The following SVEP1 variants were observed in gnomAD, a reference collection of about 807,000 sequenced individuals.
The protein encoded by SVEP1 is sushi, von Willebrand factor type A, EGF and pentraxin domain containing 1.
SVEP1 carries 164 observed loss-of-function variants against 367.3 expected under a neutral mutation model. The ratio of observed to expected loss-of-function variants is 0.45; its 90% CI spans 0.39 to 0.51. The LOEUF is 0.51. Among genes scored for constraint, SVEP1 ranks in the 20% least tolerant of loss-of-function variants. The pLI, the probability that SVEP1 is intolerant of heterozygous loss-of-function variation, is 0.00. For synonymous variants in SVEP1, 1,666 were observed against 1,611.6 expected (o/e 1.03, Z -0.81); for missense variants, 4,117 against 4,425.3 (o/e 0.93, Z 1.98).
intron 18 of SVEP1, among the ~76,000 whole-genome samples, chr9:110,459,693 T>C (rs1828828253): frequency 1.3e-5 from 2 of 152,114 alleles, no homozygotes; most frequent in Non-Finnish European, 2.9e-5. Context: ...TGCCAAATCA[T>C]TAAAAAAATA....
At chr9:110,471,237 T>C (rs987995478) in intron 16 of SVEP1, 127 bp downstream of exon 16, 2 of 758,254 alleles carry the variant, frequency 2.6e-6, no homozygotes, top group South Asian at 2.2e-5. Context: ...ATAGTAATAA[T>C]AACAACCACA....
intron 42 of SVEP1, among the ~76,000 whole-genome samples, chr9:110,386,660 AATG>A (rs941949300): frequency 2.2e-4 from 33 of 152,314 alleles, no homozygotes; most frequent in African/African-American, 7.9e-4. Context: ...AAACACAGGA[AATG>A]ATGATGGCAT....
intron 1 of SVEP1, among the ~76,000 whole-genome samples, chr9:110,569,456 CAAA>C (rs11368565): frequency 1.7e-5 from 2 of 116,924 alleles, no homozygotes; most frequent in Non-Finnish European, 1.8e-5. Flanking sequence ...AACTCAGTCT[CAAA>C]AAAAAAAAAA....
At chr9:110,548,890 A>G (rs1012050529) in intron 2 of SVEP1, among the ~76,000 whole-genome samples, 8 of 152,200 alleles carry the variant, frequency 5.3e-5, no homozygotes, top group African/African-American at 1.7e-4. Flanking sequence ...TGGGAGGCCC[A>G]GGTGGGAGAA....
intron 36 of SVEP1, among the ~76,000 whole-genome samples, chr9:110,414,022 T>G (rs1465813988): frequency 6.6e-6 from 1 of 151,992 alleles, no homozygotes; most frequent in Non-Finnish European, 1.5e-5. Flanking sequence ...GGATCAGAAT[T>G]TGGTTGATCA....
At position 110,379,402 on chromosome 9, in the gene SVEP1, G is replaced by A; in HGVS notation, c.10353C>T (p.Phe3451=). Residue 3451 remains phenylalanine (F), a synonymous_variant, in exon 44 of 48, where the codon TTC becomes TTT. Coordinates refer to ENST00000374469, the MANE Select transcript of SVEP1 (RefSeq NM_153366.4). ...SCYSGYMLEG[F]LRSVCLENGT... The stretch of plus-strand genomic sequence containing the variant: ...CATTTTCTAAACAAACACTCCTCAG[G>A]AAACCCTCCAACATGTATCCACTGT... The A allele has an allele frequency of 1.2e-6, 2 of 1,613,710 alleles. No individual in the cohort carries two copies. The highest frequency in any genetic ancestry group is 1.7e-6 in the Non-Finnish European group (2 of 1,179,770).
At chr9:110,576,216 A>G (rs747192633) in intron 1 of SVEP1, among the ~76,000 whole-genome samples, 19 of 149,164 alleles carry the variant, frequency 1.3e-4, no homozygotes, top group Admixed American at 4.0e-4. Flanking sequence ...AATACATAGT[A>G]ATAGGTAGTC....
intron 1 of SVEP1, among the ~76,000 whole-genome samples, chr9:110,565,583 T>C (rs984280924): frequency 1.3e-5 from 2 of 152,154 alleles, no homozygotes; most frequent in Non-Finnish European, 2.9e-5. Flanking sequence ...CTAGCTGATA[T>C]GATTATATCA....
intron 16 of SVEP1, 67 bp from the exon 17 acceptor site, chr9:110,469,168 C>G (rs987366519): frequency 4.7e-5 from 68 of 1,461,930 alleles, no homozygotes; most frequent in Admixed American, 3.0e-4. Flanking sequence ...GCTTTTTTTT[C>G]CTAAGACATG....
At chr9:110,498,194 T>C (rs1829480667) in intron 7 of SVEP1, among the ~76,000 whole-genome samples, 1 of 152,224 alleles carries the variant, frequency 6.6e-6, no homozygotes, top group East Asian at 1.9e-4. Flanking sequence ...GATTTTTCCA[T>C]TAACTCTGCA....
rs1302693410 is a variant in SVEP1 at position 110,464,561 on chromosome 9, C to G, written c.3322+1304G>C. Among the ~76,000 whole-genome samples, 3 of 152,260 alleles carry G rather than the reference C, an allele frequency of 2.0e-5. No homozygotes were observed. The East Asian group carries it at 5.8e-4, about 29-fold the overall frequency. On this transcript the variant is annotated intron_variant, in intron 18 of 47. Coordinates refer to ENST00000374469, the MANE Select transcript of SVEP1 (RefSeq NM_153366.4). ...CCTCTTGTTTACTGGTGATCTCTCT[C>G]TAACTGGATGAAGTTAAGCATGGCT...
At chr9:110,524,809 T>C (rs1228200969) in intron 3 of SVEP1, among the ~76,000 whole-genome samples, 1 of 151,754 alleles carries the variant, frequency 6.6e-6, no homozygotes, top group Non-Finnish European at 1.5e-5. Context: ...CCTCTCAGGC[T>C]CAAGTGACCC....
intron 20 of SVEP1, 71 bp downstream of exon 20, chr9:110,458,400 T>C (rs577164533): frequency 3.9e-6 from 5 of 1,286,324 alleles, no homozygotes; most frequent in Non-Finnish European, 5.5e-6. Flanking sequence ...TTTTCCTGTG[T>C]GTGATGTGTA....
chr9:110,368,549 A>G (rs1167843642), intron 47 of SVEP1, among the ~76,000 whole-genome samples: 1 of 152,112 alleles, frequency 6.6e-6, no homozygotes, highest in Non-Finnish European at 1.5e-5. Context: ...TCAAGAAAGA[A>G]CTCCTATCGA....
chr9:110,533,912 T>C (rs1830050885), intron 3 of SVEP1, among the ~76,000 whole-genome samples: 1 of 152,182 alleles, frequency 6.6e-6, no homozygotes, highest in Non-Finnish European at 1.5e-5. Context: ...AAAATATTTC[T>C]GGATCATTTC....
At chr9:110,448,146 TGTGCGC>T (rs1250952570) in intron 24 of SVEP1, among the ~76,000 whole-genome samples, 149 of 62,452 alleles carry the variant, frequency 2.4e-3, no homozygotes, top group African/African-American at 7.3e-3. Context: ...TGTGTGTGTG[TGTGCGC>T]GTGTGTGTGT....
At chr9:110,432,387 C>A (rs1828363919) in intron 31 of SVEP1, 75 bp downstream of exon 31, 10 of 1,513,256 alleles carry the variant, frequency 6.6e-6, no homozygotes, top group Admixed American at 2.2e-5. Context: ...GCCTCAAGAA[C>A]CTCAGGAATT....
intron 3 of SVEP1, 106 bp downstream of exon 3, chr9:110,546,009 A>T: frequency 7.3e-7 from 1 of 1,361,262 alleles, no homozygotes; most frequent in Non-Finnish European, 1.0e-6. Flanking sequence ...CACTGACCCC[A>T]CACACTAATG....
At position 110,494,018 on chromosome 9, in the gene SVEP1, G is replaced by C. The variant is rs191491105; in HGVS notation, c.1800+2797C>G. Among the ~76,000 whole-genome samples the C allele has an allele frequency of 1.6e-3, 245 of 152,236 alleles. 3 individuals carry two copies. The highest frequency in any genetic ancestry group is 5.4e-3 in the African/African-American group (224 of 41,544). On this transcript the variant is annotated intron_variant, in intron 8 of 47. Transcript: ENST00000374469. The stretch of plus-strand genomic sequence containing the variant: ...AATCCTTCTGTTATAGCATCGCTCT[G>C]TAACCACAGCTGGGAAAGGTACTTC...
Sources: gnomAD v4.1 joint callset for allele counts (sites outside exome capture counted in the v4.1 genomes callset) on GRCh38, gnomAD v4.1.1 for gene constraint, MANE v1.5 for transcripts, NCBI Gene and HGNC (gene_info 2026-07-23, HGNC 2026-07-21) for gene names.